Variants in SYTL5 observed in about 807,000 individuals in gnomAD.
SYTL5 encodes the protein synaptotagmin like 5.
A neutral mutation model predicts 55.9 loss-of-function variants in SYTL5; 34 were observed. The ratio of observed to expected loss-of-function variants is 0.61; its 90% CI spans 0.46 to 0.81. The LOEUF is 0.81. Ranked by LOEUF, SYTL5 falls within the 30% of genes least tolerant of loss-of-function variation. The pLI is 0.00. For synonymous variants in SYTL5, 221 were observed against 188.7 expected (o/e 1.17, Z -1.40); for missense variants, 637 against 546.7 (o/e 1.17, Z -1.65).
At chrX:38,115,432 C>A (rs1467086061) in intron 13 of SYTL5, among the ~76,000 whole-genome samples, 2 of 84,235 alleles carry the variant, frequency 2.4e-5, no homozygotes, top group South Asian at 1.2e-3. Context: ...TGCAGTGAGC[C>A]GAGATCGCGC....
At chrX:37,993,207 A>G in the SYTL5 span, among the ~76,000 whole-genome samples, 2 of 112,227 alleles carry the variant, frequency 1.8e-5, no homozygotes, top group East Asian at 2.8e-4. Context: ...CCATTTGGTC[A>G]ACAATGAAAA....
At chrX:38,060,015 C>G (rs1339663495) in intron 3 of SYTL5, among the ~76,000 whole-genome samples, 2 of 111,587 alleles carry the variant, frequency 1.8e-5, no homozygotes, top group African/African-American at 6.5e-5. Flanking sequence ...CTCAAAAACT[C>G]TTCAATCAAT....
chrX:38,102,370 T>C lies in SYTL5; in HGVS notation c.1091T>C (p.Ile364Thr), dbSNP rs774302519. 8.3e-7 allele frequency: 1 copy of C among 1,208,733 alleles called. No homozygotes were observed. The highest frequency in any genetic ancestry group is 2.2e-5 in the Admixed American group (1 of 45,979). The change falls in exon 10 of 17, where the codon ATT becomes ACT. Residue 364 changes from isoleucine to threonine, a missense_variant. Coordinates refer to ENST00000297875, the MANE Select transcript of SYTL5 (RefSeq NM_138780.3). The part of the protein sequence containing the change: ...KDSLEETEES[I>T]DALVSSQLST... ...TCCTTGGAAGAGACTGAAGAAAGCATTGATGCCTTAGTGTCCTCGCAGTTA... is the reference window on the plus strand; with the variant it reads ...TCCTTGGAAGAGACTGAAGAAAGCACTGATGCCTTAGTGTCCTCGCAGTTA...
In SYTL5 at chrX:38,018,824, T is replaced by C. The variant is rs148317143; in HGVS notation, c.-357+12156T>C. Among the ~76,000 whole-genome samples the C allele has an allele frequency of 9.6e-3, 1,068 of 111,646 alleles. 7 individuals carry two copies. The highest frequency in any genetic ancestry group is 0.042 in the Middle Eastern group (9 of 215). On this transcript the variant is annotated intron_variant, in intron 1 of 16. Coordinates refer to ENST00000297875, the MANE Select transcript of SYTL5 (RefSeq NM_138780.3). ...ACATCGAAGAGGTCACTGGATCTTATTGAGATTATTCTAAAACGTCCCAAA... is the reference window on the plus strand; with the variant it reads ...ACATCGAAGAGGTCACTGGATCTTACTGAGATTATTCTAAAACGTCCCAAA...
At chrX:38,067,825 T>C (rs1425153601) in intron 3 of SYTL5, among the ~76,000 whole-genome samples, 2 of 112,100 alleles carry the variant, frequency 1.8e-5, no homozygotes, top group Non-Finnish European at 3.8e-5. Flanking sequence ...GACCTCAAGC[T>C]ATACAAATTC....
At chrX:37,991,323 C>T in the SYTL5 span, 1 of 1,033,274 alleles carries the variant, frequency 9.7e-7, no homozygotes, top group Non-Finnish European at 1.3e-6. Context: ...GAGTATGTTT[C>T]TGACTCCTCT....
chrX:37,963,249 A>G, the SYTL5 span, among the ~76,000 whole-genome samples: 1 of 110,046 alleles, frequency 9.1e-6, no homozygotes, highest in African/African-American at 3.3e-5. Context: ...ATTAATATAC[A>G]ACAAATCCTT....
Position 38,113,337 on chromosome X carries a change from G to A in SYTL5, c.1596+2855G>A, listed in dbSNP as rs189356393. The stretch of plus-strand genomic sequence containing the variant: ...CAGCAAGCTTACGTGGTTTTCCAAG[G>A]AAACGTTCTCTTATTCTGCCTTCAG... On this transcript the variant is annotated intron_variant, in intron 13 of 16. Coordinates refer to ENST00000297875, the MANE Select transcript of SYTL5 (RefSeq NM_138780.3). Among the ~76,000 whole-genome samples the A allele has an allele frequency of 2.7e-5, 3 of 112,235 alleles. No homozygotes were observed. In the East Asian group the frequency reaches 8.4e-4, roughly 32 times the overall value.
chrX:37,957,362 C>T, the SYTL5 span, among the ~76,000 whole-genome samples: 1 of 111,694 alleles, frequency 9.0e-6, no homozygotes, highest in Non-Finnish European at 1.9e-5. Context: ...CAAGAACCAA[C>T]ATTATGAAGC....
the SYTL5 span, among the ~76,000 whole-genome samples, chrX:37,923,486 G>C: frequency 9.1e-6 from 1 of 109,735 alleles, no homozygotes; most frequent in African/African-American, 3.3e-5. Flanking sequence ...TTTACAAAGG[G>C]GAAATATGAC....
chrX:38,085,794 A>G (rs1440739145), intron 6 of SYTL5, among the ~76,000 whole-genome samples: 1 of 111,394 alleles, frequency 9.0e-6, no homozygotes, highest in Non-Finnish European at 1.9e-5. Flanking sequence ...TACAACTCCT[A>G]GGAGACCTTT....
At chrX:38,119,985 G>T (rs960592370) in intron 13 of SYTL5, among the ~76,000 whole-genome samples, 5 of 112,197 alleles carry the variant, frequency 4.5e-5, no homozygotes, top group African/African-American at 1.6e-4. Context: ...ATTTCTGGAG[G>T]TATTTTCAGT....
intron 2 of SYTL5, among the ~76,000 whole-genome samples, chrX:38,042,621 C>G (rs183407782): frequency 3.1e-4 from 34 of 111,135 alleles, no homozygotes; most frequent in Admixed American, 3.0e-3. Context: ...GTATAGAGGT[C>G]ATGTCTCTAG....
intron 2 of SYTL5, among the ~76,000 whole-genome samples, chrX:38,040,318 C>T (rs1428458018): frequency 9.0e-6 from 1 of 111,335 alleles, no homozygotes; most frequent in Non-Finnish European, 1.9e-5. Flanking sequence ...AGTGTTTATC[C>T]CTTGAGTTAC....
At chrX:38,058,387 CAG>C (rs1269820224) in intron 3 of SYTL5, among the ~76,000 whole-genome samples, 6 of 111,359 alleles carry the variant, frequency 5.4e-5, no homozygotes, top group African/African-American at 1.6e-4. Context: ...AGATTTACTA[CAG>C]AGTTACCCTT....
chrX:37,943,695 C>G, the SYTL5 span, among the ~76,000 whole-genome samples: 10 of 111,541 alleles, frequency 9.0e-5, no homozygotes, highest in African/African-American at 2.9e-4. Flanking sequence ...AAGGTCGGAA[C>G]TAGGTTAAAG....
At chrX:37,928,575 C>T in the SYTL5 span, among the ~76,000 whole-genome samples, 3 of 111,655 alleles carry the variant, frequency 2.7e-5, no homozygotes, top group African/African-American at 9.8e-5. Flanking sequence ...TCCTGCCTTA[C>T]ACAGTAGCTG....
the SYTL5 span, among the ~76,000 whole-genome samples, chrX:37,892,722 T>C: frequency 1.3e-5 from 1 of 78,398 alleles, no homozygotes; most frequent in Non-Finnish European, 2.1e-5. Context: ...ATGTATATAT[T>C]AGTATATATA....
At chrX:38,005,457 G>T (rs1933965737), upstream of SYTL5, among the ~76,000 whole-genome samples, 1 of 111,385 alleles carries the variant, frequency 9.0e-6, no homozygotes, top group South Asian at 3.7e-4. Context: ...ACAGAAAATA[G>T]GTTCAAAGAA....
Sources: allele counts gnomAD v4.1 joint callset (sites outside exome capture counted in the v4.1 genomes callset), GRCh38; gene constraint gnomAD v4.1.1; transcripts MANE v1.5; gene names NCBI Gene and HGNC (gene_info 2026-07-23, HGNC 2026-07-21).